GLMN: variants seen among roughly 807,000 people sequenced by gnomAD.
The protein encoded by GLMN is glomulin.
In GLMN, 75 loss-of-function variants were observed where a neutral mutation model predicts 87.8. The observed-to-expected ratio is 0.85, with a 90% CI of 0.71 to 1.04. The LOEUF is 1.04. Ranked by LOEUF, GLMN falls within the 50% of genes least tolerant of loss-of-function variation. The pLI is 0.00. For synonymous variants in GLMN, 206 were observed against 221.6 expected (o/e 0.93, Z 0.63); for missense variants, 588 against 658.8 (o/e 0.89, Z 1.18).
At chr1:92,296,767 G>A (rs1650112543) in intron 3 of GLMN, among the ~76,000 whole-genome samples, 4 of 152,174 alleles carry the variant, frequency 2.6e-5, no homozygotes, top group Admixed American at 2.6e-4. Context: ...ATTGTAACTG[G>A]ATGATACTGG....
At chr1:92,323,391 G>A in the GLMN span, 148 of 1,275,672 alleles carry the variant, frequency 1.2e-4, no homozygotes, top group Non-Finnish European at 1.5e-4. Context: ...TATTGTTTTC[G>A]GGTTTTATTT....
At chr1:92,271,053 T>C (rs1055225796) in intron 8 of GLMN, among the ~76,000 whole-genome samples, 6 of 152,200 alleles carry the variant, frequency 3.9e-5, no homozygotes, top group Admixed American at 2.6e-4. Flanking sequence ...GGACTTCTTT[T>C]AAGGCTTCGC....
chr1:92,336,444 C>T, the GLMN span: 4,807 of 1,483,624 alleles, frequency 3.2e-3, 155 homozygotes, highest in African/African-American at 0.06. Flanking sequence ...GTTTATATTA[C>T]AATTATCCTT....
rs1433214230 is a variant in GLMN, at chr1:92,247,996, A to G, written c.1474-7T>C. ...GTTCTGTCCATAATCCAGTCTGTTAAGAATGAAAGAATGAGTTATTTAGTT... is the reference window on the plus strand; with the variant it reads ...GTTCTGTCCATAATCCAGTCTGTTAGGAATGAAAGAATGAGTTATTTAGTT... On this transcript the variant is annotated splice_region_variant and splice_polypyrimidine_tract_variant and intron_variant, in intron 16 of 18. Transcript: ENST00000370360. 5.9e-6 allele frequency: 6 copies of G among 1,009,852 alleles called. No homozygotes were observed. The highest frequency in any genetic ancestry group is 4.1e-4 in the Middle Eastern group (2 of 4,912). 62.6% of individuals were successfully genotyped at this position (1,009,852 alleles called of 1,614,324 possible).
chr1:92,321,470 A>G, the GLMN span, among the ~76,000 whole-genome samples: 4 of 151,608 alleles, frequency 2.6e-5, no homozygotes, highest in African/African-American at 9.7e-5. Context: ...TTTTATATAT[A>G]TATATATTTT....
chr1:92,288,993 T>G lies in GLMN; in HGVS notation c.553A>C (p.Lys185Gln), dbSNP rs754837765. The G allele has an allele frequency of 2.5e-6, 4 of 1,613,022 alleles. No individual in the cohort carries two copies. The Admixed American group carries it at 6.7e-5, about 27-fold the overall frequency. The stretch of plus-strand genomic sequence containing the variant: ...TCAATGACTTCTTCCACAAAAGGCT[T>G]AGTGAACTCTATTAAGGCCTTGCAA... ...QCCKALIEFT[K>Q]PFVEEVIDNK... is the part of the protein sequence containing the mutation. Residue 185 changes from lysine (K) to glutamine (Q), a missense_variant, in exon 6 of 19, where the codon AAG becomes CAG. Coordinates refer to ENST00000370360, the MANE Select transcript of GLMN (RefSeq NM_053274.3).
At chr1:92,311,569 C>T in the GLMN span, among the ~76,000 whole-genome samples, 4 of 152,168 alleles carry the variant, frequency 2.6e-5, no homozygotes, top group Admixed American at 6.5e-5. Context: ...ACAATTTGAA[C>T]TTGGCATCAC....
the GLMN span, among the ~76,000 whole-genome samples, chr1:92,309,675 G>A: frequency 6.6e-6 from 1 of 152,082 alleles, no homozygotes; most frequent in Non-Finnish European, 1.5e-5. Context: ...CTGGATGCCA[G>A]AACATGAATT....
intron 4 of GLMN, among the ~76,000 whole-genome samples, chr1:92,290,917 G>A (rs3131814): frequency 0.47 from 71,805 of 152,062 alleles, 17,983 homozygotes; most frequent in East Asian, 0.96. Flanking sequence ...ACCCAGGGTC[G>A]CTTTCTAAGG....
chr1:92,246,646 C>G lies in GLMN; in HGVS notation c.1669G>C (p.Val557Leu). Residue 557 changes from valine (V) to leucine (L), a missense_variant and splice_region_variant, in exon 19 of 19, where the codon GTC becomes CTC. Coordinates refer to ENST00000370360, the MANE Select transcript of GLMN (RefSeq NM_053274.3). ...AATGTGAAAAGAGCTGAATGCAGGA[C>G]CTGCAATGCCAAGAAAAAGTAATGT... ...PNMPPEMQLK[V>L]LHSALFTFDL... The G allele has an allele frequency of 6.9e-7, 1 of 1,455,448 alleles. No homozygotes were observed. Among genetic ancestry groups the G allele is most frequent in the Non-Finnish European group, 9.7e-7 (1 of 1,035,182 alleles). The allele number at this position is 1,455,448 out of a possible 1,614,324, so 90.2% of individuals were successfully genotyped here. A position where few individuals can be genotyped will look rare whatever the true frequency, so the allele number is the denominator to read the frequency against.
intron 3 of GLMN, among the ~76,000 whole-genome samples, chr1:92,296,865 T>C (rs1403461618): frequency 6.6e-6 from 1 of 152,182 alleles, no homozygotes; most frequent in Non-Finnish European, 1.5e-5. Context: ...TCCATACACA[T>C]TTGGCTGGAG....
chr1:92,296,405 A>G (rs772335361), intron 3 of GLMN, among the ~76,000 whole-genome samples: 3 of 152,200 alleles, frequency 2.0e-5, no homozygotes, highest in Admixed American at 6.5e-5. Flanking sequence ...GGCGGAAGGC[A>G]CCTCTTCACA....
At chr1:92,360,107 A>C in the GLMN span, among the ~76,000 whole-genome samples, 2 of 152,248 alleles carry the variant, frequency 1.3e-5, no homozygotes, top group Non-Finnish European at 2.9e-5. Context: ...TCTGACTTCA[A>C]AATATGTACT....
chr1:92,360,190 G>A, the GLMN span, among the ~76,000 whole-genome samples: 2 of 152,216 alleles, frequency 1.3e-5, no homozygotes, highest in African/African-American at 4.8e-5. Context: ...GTAAGTTTAA[G>A]TGTCAAGAAA....
In GLMN at chr1:92,290,304, T is replaced by C; in HGVS notation, c.288A>G (p.Leu96=). The C allele has an allele frequency of 6.4e-7, 1 of 1,557,398 alleles. No individual in the cohort carries two copies. Among genetic ancestry groups the C allele is most frequent in the Non-Finnish European group, 8.9e-7 (1 of 1,128,898 alleles). Reference sequence around the variant, plus strand: ...CCAACAATAATTCCTTTGGATTGCATAACTATAAAAATATTCACAATTGAA... The same window carrying C: ...CCAACAATAATTCCTTTGGATTGCACAACTATAAAAATATTCACAATTGAA... ...YFLIFDLLVK[L]CNPKELLLGL... The change falls in exon 5 of 19, where the codon TTA becomes TTG. Residue 96 remains leucine, a splice_region_variant and synonymous_variant. Transcript: ENST00000370360.
the GLMN span, among the ~76,000 whole-genome samples, chr1:92,319,922 C>T: frequency 4.0e-5 from 6 of 151,002 alleles, no homozygotes; most frequent in African/African-American, 1.2e-4. Context: ...CACTTGAACC[C>T]GGGAGGCAGA....
upstream of GLMN, chr1:92,299,135 G>GA (rs1650578447): frequency 6.6e-7 from 1 of 1,517,912 alleles, no homozygotes; most frequent in Non-Finnish European, 8.9e-7. Flanking sequence ...CGCTGCTCTC[G>GA]AAAAGCCGCA....
chr1:92,307,138 G>A, the GLMN span: 7 of 1,237,118 alleles, frequency 5.7e-6, no homozygotes, highest in South Asian at 2.5e-5. Context: ...ACTGTATGTA[G>A]GTAATGTTTC....
intron 16 of GLMN, among the ~76,000 whole-genome samples, chr1:92,253,489 A>AG (rs911558330): frequency 6.6e-6 from 1 of 152,220 alleles, no homozygotes; most frequent in African/African-American, 2.4e-5. Context: ...ACCTCCCAGC[A>AG]GGGGTCAACA....
Sources: gnomAD v4.1 joint callset for allele counts (sites outside exome capture counted in the v4.1 genomes callset) on GRCh38, gnomAD v4.1.1 for gene constraint, MANE v1.5 for transcripts, NCBI Gene and HGNC (gene_info 2026-07-23, HGNC 2026-07-21) for gene names.